NOVA1: variants seen among roughly 807,000 people sequenced by gnomAD.
The protein encoded by NOVA1 is NOVA alternative splicing regulator 1.
NOVA1 carries 7 observed loss-of-function variants against 38.0 expected under a neutral mutation model. That is an observed-to-expected ratio of 0.18 (90% CI 0.10 to 0.35). The LOEUF is 0.35. NOVA1 is among the 10% of genes least tolerant of loss of function. The pLI is 1.00. For missense variants in NOVA1, 460 were observed against 616.0 expected (o/e 0.75, Z 2.68); for synonymous variants, 270 against 232.5 (o/e 1.16, Z -1.47).
At chr14:26,532,991 A>T (rs891348654) in intron 2 of NOVA1, among the ~76,000 whole-genome samples, 1 of 152,220 alleles carries the variant, frequency 6.6e-6, no homozygotes, top group Non-Finnish European at 1.5e-5. Flanking sequence ...TCTATAATAG[A>T]TAACTTTGGT....
At chr14:26,495,508 T>G (rs760129658) in intron 2 of NOVA1, among the ~76,000 whole-genome samples, 1 of 152,198 alleles carries the variant, frequency 6.6e-6, no homozygotes, top group African/African-American at 2.4e-5. Context: ...TGTTGTTGTT[T>G]ATTATACTTT....
intron 2 of NOVA1, among the ~76,000 whole-genome samples, chr14:26,551,951 A>G (rs1397958693): frequency 6.6e-6 from 1 of 152,026 alleles, no homozygotes; most frequent in East Asian, 1.9e-4. Context: ...GCTCCTCAAG[A>G]CTGTGGTGAC....
intron 2 of NOVA1, among the ~76,000 whole-genome samples, chr14:26,490,369 G>C (rs1280973169): frequency 1.3e-5 from 2 of 152,180 alleles, no homozygotes; most frequent in Non-Finnish European, 2.9e-5. Context: ...TACAAACCTA[G>C]GAGTGGAATT....
At chr14:26,493,908 A>G (rs1253097933) in intron 2 of NOVA1, among the ~76,000 whole-genome samples, 1 of 152,054 alleles carries the variant, frequency 6.6e-6, no homozygotes. Context: ...CCCCCATCAA[A>G]ACTCACCACA....
In NOVA1 at chr14:26,454,702, T is replaced by C. The variant is rs1215763773; in HGVS notation, c.520-5739A>G. On this transcript the variant is annotated intron_variant, in intron 4 of 4. Coordinates refer to ENST00000539517, the MANE Select transcript of NOVA1 (RefSeq NM_002515.3). ...TTTACATTCTTTTTATATCATGCAT[T>C]ATTTGCCTATCAAAATACTGACATT... 2.6e-5 allele frequency among the ~76,000 whole-genome samples: 4 copies of C among 152,328 alleles called. No individual in the cohort carries two copies. In the East Asian group the frequency reaches 5.8e-4, roughly 22 times the overall value.
At chr14:26,479,697 A>T in intron 3 of NOVA1, 1 of 388,042 alleles carries the variant, frequency 2.6e-6, no homozygotes, top group Non-Finnish European at 4.6e-6. Context: ...ATTCCTATAA[A>T]TTAAATTTGT....
At chr14:26,555,825 G>A (rs146130124) in intron 2 of NOVA1, among the ~76,000 whole-genome samples, 11 of 152,120 alleles carry the variant, frequency 7.2e-5, no homozygotes, top group Admixed American at 3.3e-4. Context: ...ATCTGCTACC[G>A]TAATTTGTTA....
intron 2 of NOVA1, among the ~76,000 whole-genome samples, chr14:26,506,412 G>C (rs1027542532): frequency 1.1e-4 from 17 of 152,264 alleles, no homozygotes; most frequent in African/African-American, 3.9e-4. Flanking sequence ...ATTTGCTTCA[G>C]GAAGCTCAAA....
intron 2 of NOVA1, among the ~76,000 whole-genome samples, chr14:26,568,891 G>C (rs544236892): frequency 6.6e-6 from 1 of 152,086 alleles, no homozygotes; most frequent in East Asian, 1.9e-4. Context: ...AAATTATCTG[G>C]GAATTCATAA....
At chr14:26,567,508 C>T (rs1056255549) in intron 2 of NOVA1, among the ~76,000 whole-genome samples, 14 of 151,980 alleles carry the variant, frequency 9.2e-5, no homozygotes, top group African/African-American at 3.4e-4. Flanking sequence ...GTTACCCAGG[C>T]TGGTCTCGAA....
rs1209326869 is a variant in NOVA1, at chr14:26,447,816, A to G, written c.*143T>C. ...CTGGTAAAACACATATTATTTACAT[A>G]TACACATTGTCAACATAGTCGCATT... On this transcript the variant is annotated 3_prime_UTR_variant, in exon 5 of 5. Coordinates refer to ENST00000539517, the MANE Select transcript of NOVA1 (RefSeq NM_002515.3). 4.6e-6 allele frequency: 3 copies of G among 657,098 alleles called. No homozygotes were observed. The highest frequency in any genetic ancestry group is 3.7e-5 in the African/African-American group (2 of 54,588). 40.7% of individuals were successfully genotyped at this position (657,098 alleles called of 1,614,324 possible).
chr14:26,507,326 G>T (rs1887715680), intron 2 of NOVA1, among the ~76,000 whole-genome samples: 1 of 151,868 alleles, frequency 6.6e-6, no homozygotes, highest in Non-Finnish European at 1.5e-5. Flanking sequence ...GCTGATTTCT[G>T]AAAATCTTAT....
chr14:26,453,790 C>T (rs986329324), intron 4 of NOVA1, among the ~76,000 whole-genome samples: 2 of 152,024 alleles, frequency 1.3e-5, no homozygotes, highest in Admixed American at 6.6e-5. Flanking sequence ...GAAGTAAATG[C>T]AAAACAACTT....
intron 1 of NOVA1, chr14:26,596,705 C>A: frequency 7.8e-7 from 1 of 1,287,206 alleles, no homozygotes; most frequent in Non-Finnish European, 1.0e-6. Context: ...CCAGACACCC[C>A]CACCCTCGTA....
intron 2 of NOVA1, among the ~76,000 whole-genome samples, chr14:26,511,705 T>G (rs10142180): frequency 0.036 from 5,474 of 151,522 alleles, 320 homozygotes; most frequent in African/African-American, 0.12. Context: ...TAAGCCGAGA[T>G]AGCGCCACTG....
chr14:26,578,202 G>T (rs1892982346), intron 2 of NOVA1, among the ~76,000 whole-genome samples: 1 of 152,128 alleles, frequency 6.6e-6, no homozygotes, highest in African/African-American at 2.4e-5. Context: ...TAGTTTCAGT[G>T]AAAGGTTGGG....
At position 26,597,673 on chromosome 14, in the gene NOVA1, A is replaced by G. The variant is rs1894294960; in HGVS notation, c.-237T>C. The G allele has an allele frequency of 4.3e-6, 5 of 1,171,136 alleles. 1 individual carries two copies. The South Asian group carries it at 1.3e-4, about 31-fold the overall frequency. 72.5% of individuals were successfully genotyped at this position (1,171,136 alleles called of 1,614,324 possible). On this transcript the variant is annotated 5_prime_UTR_variant, in exon 1 of 5. Transcript: ENST00000539517. ...TGCAGTGCAGTGTCAGAAAGGAGAC[A>G]GGGGAATGGAGGGGGTGTGAGAGAC...
At chr14:26,521,389 G>A (rs912351257) in intron 2 of NOVA1, among the ~76,000 whole-genome samples, 32 of 151,974 alleles carry the variant, frequency 2.1e-4, no homozygotes, top group Admixed American at 5.9e-4. Flanking sequence ...ATTTTAGATC[G>A]TTTAATTGCT....
intron 2 of NOVA1, among the ~76,000 whole-genome samples, chr14:26,557,306 A>T (rs907466194): frequency 4.6e-5 from 7 of 152,322 alleles, no homozygotes; most frequent in African/African-American, 1.7e-4. Flanking sequence ...AAACGCTGAC[A>T]TCACCATATG....
Sources: gnomAD v4.1 joint callset for allele counts (sites outside exome capture counted in the v4.1 genomes callset) on GRCh38, gnomAD v4.1.1 for gene constraint, MANE v1.5 for transcripts, NCBI Gene and HGNC (gene_info 2026-07-23, HGNC 2026-07-21) for gene names.